The following DLGAP1 variants were observed in gnomAD, a reference collection of about 807,000 sequenced individuals.
DLGAP1 encodes DLG associated protein 1.
Under a neutral mutation model 90.8 loss-of-function variants are expected in DLGAP1, and 11 were observed. The observed-to-expected ratio is 0.12, with a 90% CI of 0.08 to 0.20. The LOEUF (loss-of-function observed/expected upper bound fraction) is 0.20. Among genes scored for constraint, DLGAP1 ranks in the 10% least tolerant of loss-of-function variants. The pLI, the probability that DLGAP1 is intolerant of heterozygous loss-of-function variation, is 1.00. For missense variants in DLGAP1, 1,050 were observed against 1,333.8 expected, an observed-to-expected ratio of 0.79 and a Z score of 3.31; for synonymous variants, 558 against 540.7, an observed-to-expected ratio of 1.03 and a Z score of -0.44.
chr18:3,555,383 C>T (rs993967182), intron 9 of DLGAP1, among the ~76,000 whole-genome samples: 3 of 152,154 alleles, frequency 2.0e-5, no homozygotes, highest in Non-Finnish European at 4.4e-5. Context: ...TACTGAGGAA[C>T]TGACCATTCT....
chr18:3,792,293 C>T (rs11875365), intron 5 of DLGAP1, among the ~76,000 whole-genome samples: 43 of 152,200 alleles, frequency 2.8e-4, no homozygotes, highest in African/African-American at 1.0e-3. Context: ...CCAGCCTGGC[C>T]AACATGGTGA....
At chr18:3,525,068 G>A (rs1182713648) in intron 10 of DLGAP1, among the ~76,000 whole-genome samples, 1 of 150,020 alleles carries the variant, frequency 6.7e-6, no homozygotes, top group Non-Finnish European at 1.5e-5. Context: ...ACTAACACCA[G>A]AGTTTCCACA....
In DLGAP1 at chr18:3,497,014, G is replaced by A. The variant is rs1227880911; in HGVS notation, c.*2171C>T. 6.6e-6 allele frequency: 1 copy of A among 152,144 alleles called. No individual in the cohort carries two copies. The highest frequency in any genetic ancestry group is 6.5e-5 in the Admixed American group (1 of 15,284). 9.4% of individuals were successfully genotyped at this position (152,144 alleles called of 1,614,324 possible). Reference sequence around the variant, plus strand: ...AAAGAAAATATTGTAGGATGATCTTGAGTCGTATTAGAAATCTATTTCTTA... The same window carrying A: ...AAAGAAAATATTGTAGGATGATCTTAAGTCGTATTAGAAATCTATTTCTTA... On this transcript the variant is annotated 3_prime_UTR_variant, in exon 13 of 13. Transcript: ENST00000315677.
intron 1 of DLGAP1, among the ~76,000 whole-genome samples, chr18:4,360,987 T>C (rs1048646839): frequency 1.3e-5 from 2 of 152,052 alleles, no homozygotes; most frequent in Admixed American, 6.6e-5. Flanking sequence ...TACTTACCTA[T>C]TAGTTATGAA....
At chr18:3,968,518 T>C (rs1355716315) in intron 3 of DLGAP1, among the ~76,000 whole-genome samples, 1 of 152,198 alleles carries the variant, frequency 6.6e-6, no homozygotes, top group Non-Finnish European at 1.5e-5. Context: ...ACATATTTTG[T>C]GCAATCTCTT....
At chr18:3,998,956 T>G (rs941483521) in intron 3 of DLGAP1, among the ~76,000 whole-genome samples, 2 of 152,166 alleles carry the variant, frequency 1.3e-5, no homozygotes, top group African/African-American at 2.4e-5. Flanking sequence ...ACAGGCTCAA[T>G]AGGCTTATTT....
At chr18:4,320,959 A>T (rs1368712055) in intron 1 of DLGAP1, among the ~76,000 whole-genome samples, 1 of 152,248 alleles carries the variant, frequency 6.6e-6, no homozygotes, top group African/African-American at 2.4e-5. Context: ...GAATTTCAGG[A>T]TGGAAAAATA....
chr18:3,938,929 C>T (rs985574092), intron 3 of DLGAP1, among the ~76,000 whole-genome samples: 11 of 152,118 alleles, frequency 7.2e-5, no homozygotes, highest in African/African-American at 2.2e-4. Context: ...AAAGGGACAG[C>T]GAAGGTGATG....
chr18:4,137,569 C>G (rs2076426752), intron 2 of DLGAP1, among the ~76,000 whole-genome samples: 1 of 152,106 alleles, frequency 6.6e-6, no homozygotes, highest in Non-Finnish European at 1.5e-5. Context: ...TGTGATTCCT[C>G]CAGCTTTGTT....
intron 5 of DLGAP1, among the ~76,000 whole-genome samples, chr18:3,813,575 T>TCA (rs1398513939): frequency 6.6e-6 from 1 of 152,194 alleles, no homozygotes; most frequent in Admixed American, 6.5e-5. Context: ...TCAAGAACCT[T>TCA]CACATATCCA....
At chr18:4,331,337 T>G (rs1295362870) in intron 1 of DLGAP1, among the ~76,000 whole-genome samples, 1 of 151,754 alleles carries the variant, frequency 6.6e-6, no homozygotes, top group Non-Finnish European at 1.5e-5. Context: ...GACAGAAACT[T>G]AGGAAATGAC....
At position 3,517,540 on chromosome 18, in the gene DLGAP1, G is replaced by A. The variant is rs865933140; in HGVS notation, c.2480-8879C>T. 6.6e-6 allele frequency among the ~76,000 whole-genome samples: 1 copy of A among 152,138 alleles called. No homozygotes were observed. Among genetic ancestry groups the A allele is most frequent in the Non-Finnish European group, 1.5e-5 (1 of 68,030 alleles). The stretch of plus-strand genomic sequence containing the variant: ...TTCATAGAATTGAAGAGAGTTGGCC[G>A]GGCGCGGTGGCTCATGCCTGTAATC... On this transcript the variant is annotated intron_variant, in intron 10 of 12. Coordinates refer to ENST00000315677, the MANE Select transcript of DLGAP1 (RefSeq NM_004746.4). This position sits in a 1 kb window ranked among gnomAD's most constrained non-coding sequence, Gnocchi z 4.1.
chr18:3,827,417 C>T (rs1030018049), intron 4 of DLGAP1, among the ~76,000 whole-genome samples: 3 of 152,152 alleles, frequency 2.0e-5, no homozygotes, highest in Non-Finnish European at 2.9e-5. Context: ...AAAGGAGTAA[C>T]GTACTGTCAC....
intron 2 of DLGAP1, among the ~76,000 whole-genome samples, chr18:4,033,376 G>A (rs762797359): frequency 3.3e-5 from 5 of 151,838 alleles, no homozygotes; most frequent in Non-Finnish European, 5.9e-5. Flanking sequence ...TGGCTGCAGA[G>A]GATTCCATAA....
At chr18:3,898,084 G>A (rs1193185973) in intron 3 of DLGAP1, among the ~76,000 whole-genome samples, 1 of 152,186 alleles carries the variant, frequency 6.6e-6, no homozygotes, top group Non-Finnish European at 1.5e-5. Context: ...GTGAGCCACT[G>A]CGCCCGGCCG....
chr18:4,244,639 G>A (rs1407841513), intron 1 of DLGAP1, among the ~76,000 whole-genome samples: 3 of 152,078 alleles, frequency 2.0e-5, no homozygotes, highest in Admixed American at 6.6e-5. Flanking sequence ...TTCCCCTCCC[G>A]AGCCCAAATA....
chr18:3,875,199 C>A (rs1568271031), intron 4 of DLGAP1, among the ~76,000 whole-genome samples: 1 of 152,118 alleles, frequency 6.6e-6, no homozygotes, highest in Non-Finnish European at 1.5e-5. Context: ...AGGTCAAATG[C>A]ACACATACAT....
chr18:3,823,174 C>T (rs1445969196), intron 4 of DLGAP1, among the ~76,000 whole-genome samples: 1 of 152,110 alleles, frequency 6.6e-6, no homozygotes, highest in African/African-American at 2.4e-5. Context: ...AGGAGTAGCC[C>T]AAGAGTTGGG....
chr18:4,223,032 G>A (rs1392104531), intron 1 of DLGAP1, among the ~76,000 whole-genome samples: 1 of 152,050 alleles, frequency 6.6e-6, no homozygotes, highest in Non-Finnish European at 1.5e-5. Flanking sequence ...GGTACGAGAA[G>A]CACTTATGTC....
Sources: gnomAD v4.1 joint callset for allele counts (sites outside exome capture counted in the v4.1 genomes callset) on GRCh38, gnomAD v4.1.1 for gene constraint, Gnocchi (gnomAD v3.1) non-coding constraint, MANE v1.5 for transcripts, NCBI Gene and HGNC (gene_info 2026-07-23, HGNC 2026-07-21) for gene names.